The following GFM1 variants were observed in gnomAD, a reference collection of about 807,000 sequenced individuals.
GFM1 encodes the protein G elongation factor mitochondrial 1.
In GFM1, 62 loss-of-function variants were observed where a neutral mutation model predicts 96.2. That is an observed-to-expected ratio of 0.64 (90% CI 0.53 to 0.80). The LOEUF (loss-of-function observed/expected upper bound fraction) is 0.80, where lower values mean the gene tolerates loss of function less well. Among genes scored for constraint, GFM1 ranks in the 30% least tolerant of loss-of-function variants. The pLI is 0.00. For missense variants in GFM1, 852 were observed against 916.6 expected (o/e 0.93, Z 0.91); for synonymous variants, 282 against 312.9 (o/e 0.90, Z 1.04).
intron 5 of GFM1, chr3:158,649,551 A>G (rs1328527668): frequency 5.1e-6 from 1 of 194,338 alleles, no homozygotes; most frequent in African/African-American, 2.4e-5. Flanking sequence ...TTAGGAAGAA[A>G]ATAGAGATCA....
chr3:158,662,788 T>C (rs1020084789), intron 11 of GFM1, 104 bp downstream of exon 11: 24 of 775,342 alleles, frequency 3.1e-5, no homozygotes, highest in Non-Finnish European at 5.4e-5. Context: ...AGCAGTCTTA[T>C]GGTCTCTATT....
At position 158,649,125 on chromosome 3, in the gene GFM1, G is replaced by A. The variant is rs768352591; in HGVS notation, c.657G>A (p.Glu219=). The change falls in exon 5 of 18, where the codon GAG becomes GAA. Residue 219 remains glutamate, a synonymous_variant. Coordinates refer to ENST00000486715, the MANE Select transcript of GFM1 (RefSeq NM_024996.7). ...GNFKGIVDLI[E]ERAIYFDGDF... ...TTAAAGGTATTGTAGATCTTATTGA[G>A]GAACGAGCCATCTATTTTGATGGAG... is the stretch of plus-strand genomic sequence containing the variant. 1 of 1,506,010 alleles carries A rather than the reference G, an allele frequency of 6.6e-7. No individual in the cohort carries two copies. The highest frequency in any genetic ancestry group is 1.4e-5 in the African/African-American group (1 of 72,246). 93.3% of individuals were successfully genotyped at this position (1,506,010 alleles called of 1,614,324 possible).
At chr3:158,667,081 CAA>C in intron 13 of GFM1, 1 of 1,571,960 alleles carries the variant, frequency 6.4e-7, no homozygotes, top group Non-Finnish European at 8.6e-7. Flanking sequence ...TTTGCTATGA[CAA>C]AAAATAAAAA....
At chr3:158,661,040 G>T in intron 10 of GFM1, 65 bp downstream of exon 10, 1 of 1,292,934 alleles carries the variant, frequency 7.7e-7, no homozygotes, top group East Asian at 2.3e-5. Flanking sequence ...TTTATGTAGT[G>T]CATTTAATAC....
intron 13 of GFM1, chr3:158,669,436 G>A (rs1171700475): frequency 5.6e-6 from 9 of 1,608,396 alleles, no homozygotes; most frequent in Non-Finnish European, 7.6e-6. Context: ...TATATACCTG[G>A]AATATTTTGT....
At chr3:158,691,229 C>CT (rs1560147352) in intron 17 of GFM1, 37 bp downstream of exon 17, 6 of 1,603,202 alleles carry the variant, frequency 3.7e-6, no homozygotes, top group Non-Finnish European at 5.1e-6. Flanking sequence ...AAAGACCACC[C>CT]TACAGAATGA....
chr3:158,680,164 A>C (rs566989255), intron 13 of GFM1, among the ~76,000 whole-genome samples: 2 of 152,332 alleles, frequency 1.3e-5, no homozygotes, highest in East Asian at 3.9e-4. Context: ...CAATTAAAAA[A>C]AATAGATTTA....
intron 14 of GFM1, among the ~76,000 whole-genome samples, chr3:158,683,276 C>T (rs1051398744): frequency 2.0e-5 from 3 of 151,980 alleles, no homozygotes; most frequent in Non-Finnish European, 4.4e-5. Context: ...CATTTTACAG[C>T]ATATATAACT....
chr3:158,665,507 A>G (rs974055532), intron 12 of GFM1, 33 bp downstream of exon 12: 2 of 1,563,426 alleles, frequency 1.3e-6, no homozygotes, highest in Admixed American at 3.3e-5. Context: ...AGTTGAAATC[A>G]ATTTATTACT....
chr3:158,653,354 A>G lies in GFM1; in HGVS notation c.885A>G (p.Val295=). The G allele has an allele frequency of 1.2e-6, 2 of 1,613,698 alleles. No individual in the cohort carries two copies. The highest frequency in any genetic ancestry group is 1.3e-5 in the African/African-American group (1 of 75,034). The change falls in exon 7 of 18, where the codon GTA becomes GTG. Residue 295 remains valine, a synonymous_variant. Transcript: ENST00000486715. The part of the protein sequence containing the change: ...RATLKRSFTP[V]FLGSALKNKG... The stretch of plus-strand genomic sequence containing the variant: ...CTCTGAAAAGATCATTTACTCCTGT[A>G]TTTTTGGGAAGCGCCTTGAAGAACA...
At chr3:158,670,958 T>C in intron 13 of GFM1, 1 of 1,530,716 alleles carries the variant, frequency 6.5e-7, no homozygotes, top group Non-Finnish European at 8.8e-7. Flanking sequence ...TTAACTTACT[T>C]TTTGTATAAT....
rs1553852711 is a variant in GFM1, at chr3:158,686,733, T to TTTG, written c.1909+2067_1909+2068insGTT. On this transcript the variant is annotated intron_variant, in intron 15 of 17. Coordinates refer to ENST00000486715, the MANE Select transcript of GFM1 (RefSeq NM_024996.7). ...TAATTGAATTGAGGTTTTTTTTTTTTTTTTTTTTTTTGAGACAGAGTCTGA... is the reference window on the plus strand; with the variant it reads ...TAATTGAATTGAGGTTTTTTTTTTTTTTGTTTTTTTTTTTGAGACAGAGTCTGA... Among the ~76,000 whole-genome samples the TTTG allele has an allele frequency of 3.6e-5, 5 of 140,006 alleles. No homozygotes were observed. In the East Asian group the frequency reaches 1.0e-3, roughly 28 times the overall value. The allele number at this position is 140,006 out of a possible 152,430, so 91.8% of individuals were successfully genotyped here.
At position 158,658,866 on chromosome 3, in the gene GFM1, T is replaced by A. The variant is rs565484193; in HGVS notation, c.1084-56T>A. On this transcript the variant is annotated intron_variant, in intron 8 of 17. Coordinates refer to ENST00000486715, the MANE Select transcript of GFM1 (RefSeq NM_024996.7). ...GGAGTTATGAAGCTTTCCTCAATAC[T>A]TTGATTATTATGTTTCTTTTTATTC... The A allele has an allele frequency of 1.5e-3, 2,386 of 1,594,042 alleles. 2 individuals are homozygous for A. Among genetic ancestry groups the A allele is most frequent in the Admixed American group, 2.0e-3 (121 of 59,992 alleles).
chr3:158,682,112 A>AT lies in GFM1; in HGVS notation c.1721dup (p.Gly575ArgfsTer46). 3 of 1,613,902 alleles carry AT rather than the reference A, an allele frequency of 1.9e-6. No homozygotes were observed. The highest frequency in any genetic ancestry group is 2.5e-6 in the Non-Finnish European group (3 of 1,179,866). On this transcript the variant is annotated frameshift_variant, in exon 14 of 18. Coordinates refer to ENST00000486715, the MANE Select transcript of GFM1 (RefSeq NM_024996.7). LOFTEE classifies it high-confidence loss of function. The stretch of plus-strand genomic sequence containing the variant: ...CTAAATTGGAATTTTCAGATGAAAC[A>AT]TTCGGATCAAATATTCCAAAGCAGT...
At chr3:158,669,562 G>A (rs374172879) in intron 13 of GFM1, 147 of 1,613,826 alleles carry the variant, frequency 9.1e-5, no homozygotes, top group Non-Finnish European at 1.2e-4. Flanking sequence ...GCAGTTTCTT[G>A]TCCCGTTGAA....
chr3:158,651,541 C>G (rs903885717), intron 5 of GFM1, among the ~76,000 whole-genome samples: 1 of 152,206 alleles, frequency 6.6e-6, no homozygotes, highest in African/African-American at 2.4e-5. Context: ...TTAGCGCTTA[C>G]TGCATTATAA....
Position 158,644,564 on chromosome 3 carries a change from C to T in GFM1, c.-71C>T. On this transcript the variant is annotated 5_prime_UTR_variant, in exon 1 of 18. Coordinates refer to ENST00000486715, the MANE Select transcript of GFM1 (RefSeq NM_024996.7). Reference sequence around the variant, plus strand: ...TTGGCTGCCGGCGTGACTTTGACCGCTTCCCGGTGCGTTACCGGCAGCTGA... The same window carrying T: ...TTGGCTGCCGGCGTGACTTTGACCGTTTCCCGGTGCGTTACCGGCAGCTGA... The T allele has an allele frequency of 6.1e-6, 8 of 1,304,394 alleles. No individual in the cohort carries two copies. The highest frequency in any genetic ancestry group is 8.6e-6 in the Non-Finnish European group (8 of 925,834). The allele number at this position is 1,304,394 out of a possible 1,614,324, so 80.8% of individuals were successfully genotyped here.
At chr3:158,660,293 C>T (rs959454176) in intron 9 of GFM1, 1 of 149,230 alleles carries the variant, frequency 6.7e-6, no homozygotes, top group African/African-American at 2.5e-5. Context: ...GTCTCCCAGG[C>T]TGGAGTGCAG....
At chr3:158,672,496 T>C (rs1724436599) in intron 13 of GFM1, 1 of 1,613,340 alleles carries the variant, frequency 6.2e-7, no homozygotes, top group African/African-American at 1.3e-5. Context: ...GAGCAGTGAC[T>C]TCAGGGCTTG....
Sources: allele counts gnomAD v4.1 joint callset (sites outside exome capture counted in the v4.1 genomes callset), GRCh38; gene constraint gnomAD v4.1.1; transcripts MANE v1.5; gene names NCBI Gene and HGNC (gene_info 2026-07-23, HGNC 2026-07-21).